KCNAB1: variants seen among roughly 807,000 people sequenced by gnomAD.
The protein encoded by KCNAB1 is voltage-gated potassium channel subunit beta-1.
KCNAB1 carries 35 observed loss-of-function variants against 64.6 expected under a neutral mutation model. That is an observed-to-expected ratio of 0.54 (90% CI 0.41 to 0.72). The LOEUF (loss-of-function observed/expected upper bound fraction) is 0.72. Ranked by LOEUF, KCNAB1 falls within the 30% of genes least tolerant of loss-of-function variation. The pLI is 0.00. For missense variants in KCNAB1, 401 were observed against 512.9 expected, an observed-to-expected ratio of 0.78 and a Z score of 2.11; for synonymous variants, 177 against 183.8, an observed-to-expected ratio of 0.96 and a Z score of 0.30.
At chr3:156,513,219 AAAC>A (rs1468190931) in intron 8 of KCNAB1, among the ~76,000 whole-genome samples, 36 of 152,272 alleles carry the variant, frequency 2.4e-4, no homozygotes, top group Admixed American at 1.8e-3. Flanking sequence ...CTCAAAAAAA[AAAC>A]AACAACAACA....
At chr3:156,312,510 G>A (rs1721977405) in intron 1 of KCNAB1, among the ~76,000 whole-genome samples, 1 of 152,030 alleles carries the variant, frequency 6.6e-6, no homozygotes, top group Admixed American at 6.6e-5. Flanking sequence ...CCAGGAGTTT[G>A]AGACCAGCCT....
At chr3:156,147,960 C>CACACACACACACACACAT (rs200388168) in intron 1 of KCNAB1, among the ~76,000 whole-genome samples, 2 of 113,496 alleles carry the variant, frequency 1.8e-5, no homozygotes, top group African/African-American at 8.6e-5. Context: ...CACACACACA[C>CACACACACACACACACAT]GCACGCACAC....
chr3:156,145,905 A>G (rs917360761), intron 1 of KCNAB1, among the ~76,000 whole-genome samples: 55 of 149,518 alleles, frequency 3.7e-4, no homozygotes, highest in African/African-American at 1.3e-3. Flanking sequence ...TCTCAAAAGG[A>G]AAAAAAAAAG....
chr3:156,211,633 C>A (rs1410947810), intron 1 of KCNAB1, among the ~76,000 whole-genome samples: 1 of 152,194 alleles, frequency 6.6e-6, no homozygotes, highest in Non-Finnish European at 1.5e-5. Context: ...TATTATGCCC[C>A]ATGAAGATGG....
chr3:156,263,219 GT>G (rs1336639168), intron 1 of KCNAB1, among the ~76,000 whole-genome samples: 1 of 151,748 alleles, frequency 6.6e-6, no homozygotes, highest in African/African-American at 2.4e-5. Context: ...ACAGCTTAAG[GT>G]GACAGCTTAG....
chr3:156,185,905 T>G (rs1410702458), intron 1 of KCNAB1, among the ~76,000 whole-genome samples: 2 of 152,206 alleles, frequency 1.3e-5, no homozygotes, highest in East Asian at 3.8e-4. Flanking sequence ...TGTTCTGAAC[T>G]TCTCTATAAC....
At chr3:156,244,025 T>A (rs550232284) in intron 1 of KCNAB1, among the ~76,000 whole-genome samples, 8 of 152,352 alleles carry the variant, frequency 5.3e-5, no homozygotes, top group Admixed American at 2.6e-4. Flanking sequence ...CCAGTCTTTC[T>A]GAACATTTCC....
At chr3:156,344,689 G>C (rs1422416492) in intron 1 of KCNAB1, among the ~76,000 whole-genome samples, 1 of 152,102 alleles carries the variant, frequency 6.6e-6, no homozygotes, top group Non-Finnish European at 1.5e-5. Context: ...AACATGGTCC[G>C]AGAATTACAT....
At chr3:156,190,699 G>GC (rs990150545) in intron 1 of KCNAB1, among the ~76,000 whole-genome samples, 2 of 150,668 alleles carry the variant, frequency 1.3e-5, no homozygotes, top group Non-Finnish European at 3.0e-5. Context: ...TTTAAGATTT[G>GC]TTTTTTTTTG....
intron 1 of KCNAB1, among the ~76,000 whole-genome samples, chr3:156,161,168 C>T (rs1716052824): frequency 6.6e-6 from 1 of 152,136 alleles, no homozygotes; most frequent in African/African-American, 2.4e-5. Context: ...TTTTAAGCAG[C>T]ACAAAACTTT....
intron 1 of KCNAB1, among the ~76,000 whole-genome samples, chr3:156,287,784 G>A (rs926491345): frequency 6.6e-6 from 1 of 150,864 alleles, no homozygotes; most frequent in African/African-American, 2.4e-5. Flanking sequence ...GGGTGGCAGA[G>A]TGAGACTCCA....
intron 8 of KCNAB1, among the ~76,000 whole-genome samples, chr3:156,487,514 C>A (rs1317993231): frequency 1.3e-5 from 2 of 152,090 alleles, no homozygotes; most frequent in African/African-American, 4.8e-5. Flanking sequence ...TGTCTAGCTC[C>A]AGTGAAGCCA....
chr3:156,165,226 C>T (rs144928913), intron 1 of KCNAB1, among the ~76,000 whole-genome samples: 2 of 133,124 alleles, frequency 1.5e-5, no homozygotes, highest in African/African-American at 2.9e-5. Context: ...TGCAGTGAGC[C>T]GAGATCCCGC....
chr3:156,446,826 C>T (rs1330987142), intron 2 of KCNAB1: 1 of 152,334 alleles, frequency 6.6e-6, no homozygotes, highest in African/African-American at 2.4e-5. Flanking sequence ...CCCCATGTTT[C>T]AGCCTCGCCT....
chr3:156,224,313 C>T (rs1408683314), intron 1 of KCNAB1, among the ~76,000 whole-genome samples: 1 of 152,258 alleles, frequency 6.6e-6, no homozygotes, highest in Non-Finnish European at 1.5e-5. Context: ...TCTCCCACCA[C>T]ACCTCCCTGC....
At chr3:156,238,219 G>A (rs570388415) in intron 1 of KCNAB1, among the ~76,000 whole-genome samples, 4 of 152,198 alleles carry the variant, frequency 2.6e-5, no homozygotes, top group East Asian at 1.9e-4. Context: ...TCAGGAGATC[G>A]AGAGCATCCT....
intron 1 of KCNAB1, among the ~76,000 whole-genome samples, chr3:156,332,932 T>A (rs575263034): frequency 6.6e-6 from 1 of 152,288 alleles, no homozygotes; most frequent in African/African-American, 2.4e-5. Context: ...TGTGAAACTG[T>A]TCTCAAAATT....
chr3:156,486,847 T>C (rs1485381786), intron 8 of KCNAB1, among the ~76,000 whole-genome samples: 3 of 152,100 alleles, frequency 2.0e-5, no homozygotes, highest in African/African-American at 7.2e-5. Context: ...TTGATTGAGA[T>C]TGTTGGAGGA....
At chr3:156,198,616 C>CTTTTTTTTTTT (rs59410120) in intron 1 of KCNAB1, among the ~76,000 whole-genome samples, 2 of 118,518 alleles carry the variant, frequency 1.7e-5, no homozygotes, top group Admixed American at 8.6e-5. Context: ...GCAAACCCTG[C>CTTTTTTTTTTT]TTTTTTTTTT....
Sources: gnomAD v4.1 joint callset for allele counts (sites outside exome capture counted in the v4.1 genomes callset) on GRCh38, gnomAD v4.1.1 for gene constraint, MANE v1.5 for transcripts, NCBI Gene and HGNC (gene_info 2026-07-23, HGNC 2026-07-21) for gene names.